KLF9: variants seen among roughly 807,000 people sequenced by gnomAD.
KLF9 encodes KLF transcription factor 9.
KLF9 carries 2 observed loss-of-function variants against 17.3 expected under a neutral mutation model. The ratio of observed to expected loss-of-function variants is 0.12; its 90% CI spans 0.05 to 0.36. The LOEUF is 0.36. Ranked by LOEUF, KLF9 falls within the 10% of genes least tolerant of loss-of-function variation. The pLI is 1.00. For missense variants in KLF9, 226 were observed against 333.2 expected, an observed-to-expected ratio of 0.68 and a Z score of 2.51; for synonymous variants, 138 against 139.2, an observed-to-expected ratio of 0.99 and a Z score of 0.06.
At chr9:70,402,539 G>A (rs1050815057) in intron 1 of KLF9, among the ~76,000 whole-genome samples, 2 of 152,160 alleles carry the variant, frequency 1.3e-5, no homozygotes, top group African/African-American at 4.8e-5. Context: ...TTAAAACCAA[G>A]TCAATGGCTT....
At chr9:70,411,123 G>A (rs954690215) in intron 1 of KLF9, among the ~76,000 whole-genome samples, 19 of 152,300 alleles carry the variant, frequency 1.2e-4, no homozygotes, top group African/African-American at 4.6e-4. Flanking sequence ...TTCTATAAAT[G>A]CCTGAGAAAA....
At chr9:70,395,704 GA>G (rs1419513314) in intron 1 of KLF9, among the ~76,000 whole-genome samples, 1 of 152,066 alleles carries the variant, frequency 6.6e-6, no homozygotes, top group Non-Finnish European at 1.5e-5. Flanking sequence ...AGCACTTTGG[GA>G]AGTCGAGGCA....
intron 1 of KLF9, among the ~76,000 whole-genome samples, chr9:70,412,186 CAAAAAAAAAAAAAA>C (rs10644898): frequency 2.8e-4 from 13 of 47,122 alleles, no homozygotes; most frequent in South Asian, 1.1e-3. Flanking sequence ...GTCACATGGC[CAAAAAAAAAAAAAA>C]AAAAAAAAAA....
intron 1 of KLF9, among the ~76,000 whole-genome samples, chr9:70,403,978 A>G (rs1233792433): frequency 6.6e-6 from 1 of 152,162 alleles, no homozygotes; most frequent in Non-Finnish European, 1.5e-5. Flanking sequence ...CCACTGGCGG[A>G]AACTCAAGGG....
In KLF9 at chr9:70,413,657, G is replaced by C. The variant is rs1032803542; in HGVS notation, c.-294C>G. 1.2e-5 allele frequency: 2 copies of C among 162,470 alleles called. No individual in the cohort carries two copies. Among genetic ancestry groups the C allele is most frequent in the Non-Finnish European group, 2.7e-5 (2 of 74,686 alleles). The allele number at this position is 162,470 out of a possible 1,614,324, so 10.1% of individuals were successfully genotyped here. On this transcript the variant is annotated 5_prime_UTR_variant, in exon 1 of 2. Transcript: ENST00000377126. This position sits in a 1 kb window ranked among gnomAD's most constrained non-coding sequence, Gnocchi z 5.6. ...CCCGCGCCGGCCGCGATCCCCCGAC[G>C]GGCGCGCCGGCCCCTCTGAGCCGGC...
chr9:70,393,507 C>A (rs1000152466), intron 1 of KLF9, among the ~76,000 whole-genome samples: 8 of 152,168 alleles, frequency 5.3e-5, no homozygotes, highest in African/African-American at 1.9e-4. Flanking sequence ...GGAGGCCTGC[C>A]ATCTGAATGT....
chr9:70,403,411 A>T (rs1327047425), intron 1 of KLF9, among the ~76,000 whole-genome samples: 4 of 152,164 alleles, frequency 2.6e-5, no homozygotes, highest in Admixed American at 1.3e-4. Flanking sequence ...TGAACTAGTC[A>T]TGGAGCTTAA....
chr9:70,395,074 T>A (rs975026517), intron 1 of KLF9, among the ~76,000 whole-genome samples: 1 of 152,196 alleles, frequency 6.6e-6, no homozygotes, highest in African/African-American at 2.4e-5. Context: ...TACTAGTTAT[T>A]AAAATGGATT....
At chr9:70,406,154 G>T (rs11142402) in intron 1 of KLF9, among the ~76,000 whole-genome samples, 53,538 of 152,076 alleles carry the variant, frequency 0.35, 10,487 homozygotes, top group Non-Finnish European at 0.44. Context: ...GTACTGCAAA[G>T]AATTCAAAAT....
chr9:70,409,185 CATATACATGT>C (rs2037291292), intron 1 of KLF9, among the ~76,000 whole-genome samples: 1 of 53,558 alleles, frequency 1.9e-5, no homozygotes, highest in South Asian at 6.1e-4. Context: ...TATATGTATA[CATATACATGT>C]ATATGTATAT....
intron 1 of KLF9, among the ~76,000 whole-genome samples, chr9:70,399,036 T>C (rs971221763): frequency 6.6e-6 from 1 of 152,028 alleles, no homozygotes; most frequent in Non-Finnish European, 1.5e-5. Flanking sequence ...GGTCTTACTA[T>C]GTAGTCCAGG....
chr9:70,407,679 A>G (rs767194542), intron 1 of KLF9, among the ~76,000 whole-genome samples: 1 of 152,228 alleles, frequency 6.6e-6, no homozygotes, highest in African/African-American at 2.4e-5. Context: ...AATAAGAGCT[A>G]TAGGGTCCTA....
At chr9:70,405,898 G>T (rs896209440) in intron 1 of KLF9, among the ~76,000 whole-genome samples, 3 of 152,140 alleles carry the variant, frequency 2.0e-5, no homozygotes, top group Non-Finnish European at 4.4e-5. Flanking sequence ...CATCAAAAAG[G>T]TATTAAAGTT....
In KLF9 at chr9:70,385,349, C is replaced by T. The variant is rs982528185; in HGVS notation, c.*2427G>A. ...AAGAATAAAAAGGCTTGAGTTTATACGTTACATTACTATAACATATAAGAG... is the reference window on the plus strand; with the variant it reads ...AAGAATAAAAAGGCTTGAGTTTATATGTTACATTACTATAACATATAAGAG... On this transcript the variant is annotated 3_prime_UTR_variant, in exon 2 of 2. Transcript: ENST00000377126. 2 of 152,590 alleles carry T rather than the reference C, an allele frequency of 1.3e-5. No homozygotes were observed. The highest frequency in any genetic ancestry group is 2.9e-5 in the Non-Finnish European group (2 of 68,026). 9.5% of individuals were successfully genotyped at this position (152,590 alleles called of 1,614,324 possible). A position where few individuals can be genotyped will look rare whatever the true frequency, so the allele number is the denominator to read the frequency against.
rs1252820227 is a variant in KLF9, at chr9:70,413,460, G to GCGGCGCGGCA, written c.-107_-98dup. The GCGGCGCGGCA allele has an allele frequency of 5.7e-6, 7 of 1,233,952 alleles. No individual in the cohort carries two copies. Among genetic ancestry groups the GCGGCGCGGCA allele is most frequent in the South Asian group, 6.1e-5 (2 of 32,556 alleles). The allele number at this position is 1,233,952 out of a possible 1,614,324, so 76.4% of individuals were successfully genotyped here. A position where few individuals can be genotyped will look rare whatever the true frequency, so the allele number is the denominator to read the frequency against. On this transcript the variant is annotated 5_prime_UTR_variant, in exon 1 of 2. Transcript: ENST00000377126. This position sits in a 1 kb window ranked among gnomAD's most constrained non-coding sequence, Gnocchi z 5.6. Reference sequence around the variant, plus strand: ...CCTGGCCTCGGACGACGAGCGCGGCGCGGCGCGGCACGGCGCGGCGGCCAA... The same window carrying GCGGCGCGGCA: ...CCTGGCCTCGGACGACGAGCGCGGCGCGGCGCGGCACGGCGCGGCACGGCGCGGCGGCCAA...
rs759160858 is a variant in KLF9, at chr9:70,412,956, T to C, written c.408A>G (p.Lys136=). The C allele has an allele frequency of 1.9e-6, 3 of 1,614,132 alleles. No individual in the cohort carries two copies. The Admixed American group carries it at 5.0e-5, about 27-fold the overall frequency. Residue 136 remains lysine, a synonymous_variant, in exon 1 of 2, where the codon AAA becomes AAG. Transcript: ENST00000377126. The stretch of plus-strand genomic sequence containing the variant: ...ACTTGTGCCTCTTTTCGGAGGCGTG[T>C]TTCCCCTTCGCAGCCACTCCAGGAT... ...LLHPGVAAKG[K]HASEKRHKCP...
At chr9:70,402,723 G>A (rs926840325) in intron 1 of KLF9, among the ~76,000 whole-genome samples, 2 of 152,004 alleles carry the variant, frequency 1.3e-5, no homozygotes, top group Non-Finnish European at 2.9e-5. Flanking sequence ...CCTATCTTTC[G>A]GGTTGAACTC....
intron 1 of KLF9, among the ~76,000 whole-genome samples, chr9:70,390,027 A>G (rs1015649051): frequency 6.6e-6 from 1 of 152,200 alleles, no homozygotes; most frequent in African/African-American, 2.4e-5. Flanking sequence ...AAAATTATTC[A>G]TTCTATTTTC....
At chr9:70,410,011 A>C (rs1043539995) in intron 1 of KLF9, among the ~76,000 whole-genome samples, 4 of 152,208 alleles carry the variant, frequency 2.6e-5, no homozygotes, top group African/African-American at 9.7e-5. Context: ...TTATCTTTGC[A>C]CAAGAACCTG....
Sources: gnomAD v4.1 joint callset for allele counts (sites outside exome capture counted in the v4.1 genomes callset) on GRCh38, gnomAD v4.1.1 for gene constraint, Gnocchi (gnomAD v3.1) non-coding constraint, MANE v1.5 for transcripts, NCBI Gene and HGNC (gene_info 2026-07-23, HGNC 2026-07-21) for gene names.